ADAMTSL1: variants seen among roughly 807,000 people sequenced by gnomAD.
ADAMTSL1 encodes ADAMTS-like protein 1.
ADAMTSL1 carries 126 observed loss-of-function variants against 201.8 expected under a neutral mutation model. The observed-to-expected ratio is 0.62, with a 90% confidence interval of 0.54 to 0.72. The LOEUF (loss-of-function observed/expected upper bound fraction) is 0.72, where lower values mean the gene tolerates loss of function less well. Ranked by LOEUF, ADAMTSL1 falls within the 30% of genes least tolerant of loss-of-function variation. The probability of loss-of-function intolerance (pLI) is 0.00; values close to 1 mark genes in which losing one functional copy is unlikely to be tolerated. For missense variants in ADAMTSL1, 2,679 were observed against 2,277.8 expected, an observed-to-expected ratio of 1.18 and a Z score of -3.59; for synonymous variants, 1,121 against 903.4, an observed-to-expected ratio of 1.24 and a Z score of -4.32.
chr9:18,504,574 C>A (rs1204833293), intron 1 of ADAMTSL1, among the ~76,000 whole-genome samples: 1 of 152,190 alleles, frequency 6.6e-6, no homozygotes, highest in Admixed American at 6.5e-5. Context: ...CTGTTTCTGG[C>A]TTCCTTTTCC....
At chr9:17,963,202 C>T (rs1030610572) in intron 1 of ADAMTSL1, among the ~76,000 whole-genome samples, 1 of 152,166 alleles carries the variant, frequency 6.6e-6, no homozygotes, top group Non-Finnish European at 1.5e-5. Flanking sequence ...TTCAAACATA[C>T]AGAAGTGTCA....
At chr9:18,432,395 G>C (rs1016006062) in intron 2 of ADAMTSL1, among the ~76,000 whole-genome samples, 2 of 152,152 alleles carry the variant, frequency 1.3e-5, no homozygotes, top group African/African-American at 4.8e-5. Context: ...AGAATCTTAT[G>C]TAGCTTACAT....
At chr9:18,726,622 CT>C (rs1405495412) in intron 15 of ADAMTSL1, among the ~76,000 whole-genome samples, 1 of 151,680 alleles carries the variant, frequency 6.6e-6, no homozygotes, top group Non-Finnish European at 1.5e-5. Flanking sequence ...AAGTGTATGA[CT>C]GTTATTAATT....
At chr9:18,405,357 G>T (rs568109264) in intron 2 of ADAMTSL1, among the ~76,000 whole-genome samples, 1 of 152,284 alleles carries the variant, frequency 6.6e-6, no homozygotes, top group East Asian at 1.9e-4. Context: ...CAGACCATGA[G>T]GTTGGTGAGA....
At chr9:18,171,955 G>T (rs1011802837) in intron 2 of ADAMTSL1, among the ~76,000 whole-genome samples, 4 of 151,930 alleles carry the variant, frequency 2.6e-5, no homozygotes, top group Non-Finnish European at 4.4e-5. Context: ...CCCATTTCTT[G>T]TTTTTTCACG....
intron 1 of ADAMTSL1, among the ~76,000 whole-genome samples, chr9:18,134,105 A>G (rs965410471): frequency 6.6e-5 from 10 of 152,308 alleles, no homozygotes; most frequent in African/African-American, 2.4e-4. Context: ...CCATTAAGCC[A>G]TATCTGTGCA....
At chr9:18,872,116 C>T (rs1388533266) in intron 23 of ADAMTSL1, among the ~76,000 whole-genome samples, 1 of 152,062 alleles carries the variant, frequency 6.6e-6, no homozygotes, top group Non-Finnish European at 1.5e-5. Flanking sequence ...CCCCTTCCTA[C>T]TGTATATCCC....
chr9:18,583,710 C>T (rs969830666), intron 4 of ADAMTSL1, among the ~76,000 whole-genome samples: 2 of 152,164 alleles, frequency 1.3e-5, no homozygotes, highest in African/African-American at 2.4e-5. Flanking sequence ...GCCACCAGGA[C>T]GGAGCTACCC....
intron 15 of ADAMTSL1, among the ~76,000 whole-genome samples, chr9:18,746,126 T>C (rs1250370486): frequency 6.6e-6 from 1 of 152,182 alleles, no homozygotes; most frequent in Non-Finnish European, 1.5e-5. Flanking sequence ...TTGACACCAG[T>C]GGAGGTTTTT....
intron 1 of ADAMTSL1, among the ~76,000 whole-genome samples, chr9:18,032,929 C>G (rs1051220413): frequency 1.1e-4 from 16 of 152,256 alleles, no homozygotes; most frequent in African/African-American, 3.9e-4. Context: ...GCTTCAGTGT[C>G]TGCATCACCT....
intron 2 of ADAMTSL1, among the ~76,000 whole-genome samples, chr9:18,344,167 C>A (rs10963579): frequency 6.6e-6 from 1 of 152,076 alleles, no homozygotes; most frequent in Non-Finnish European, 1.5e-5. Context: ...TTGGTTCACC[C>A]GAATACTGAA....
intron 7 of ADAMTSL1, among the ~76,000 whole-genome samples, chr9:18,653,687 G>T (rs1451704750): frequency 6.6e-6 from 1 of 151,878 alleles, no homozygotes; most frequent in Non-Finnish European, 1.5e-5. Flanking sequence ...CAATATGGAG[G>T]TCTGGAGTTC....
chr9:18,810,306 C>T (rs1259783504), intron 20 of ADAMTSL1, among the ~76,000 whole-genome samples: 2 of 152,186 alleles, frequency 1.3e-5, no homozygotes, highest in East Asian at 3.9e-4. Context: ...GAACATTATT[C>T]AAGTTTCTGC....
At chr9:18,042,632 A>T (rs1225294716) in intron 1 of ADAMTSL1, among the ~76,000 whole-genome samples, 1 of 152,156 alleles carries the variant, frequency 6.6e-6, no homozygotes, top group South Asian at 2.1e-4. Context: ...GAAAGCTCTT[A>T]TAACCCAAAT....
At chr9:18,731,537 G>A (rs1450194534) in intron 15 of ADAMTSL1, among the ~76,000 whole-genome samples, 1 of 152,108 alleles carries the variant, frequency 6.6e-6, no homozygotes, top group Non-Finnish European at 1.5e-5. Context: ...AGACCGAGGT[G>A]GGAGGATCAC....
rs187233711 is a variant in ADAMTSL1 at position 18,649,900 on chromosome 9, G to A, written c.835-7739G>A. Among the ~76,000 whole-genome samples the A allele has an allele frequency of 5.1e-4, 77 of 152,244 alleles. 1 individual carries two copies. The East Asian group carries it at 0.015, about 29-fold the overall frequency. ...TCAGATCTCCAGCTGCGTGCTGGGAGAACCACTGCTCTCTTCAAAGCTGTC... is the reference window on the plus strand; with the variant it reads ...TCAGATCTCCAGCTGCGTGCTGGGAAAACCACTGCTCTCTTCAAAGCTGTC... On this transcript the variant is annotated intron_variant, in intron 7 of 28. Transcript: ENST00000380548.
intron 1 of ADAMTSL1, among the ~76,000 whole-genome samples, chr9:17,996,010 G>A (rs534137614): frequency 2.8e-4 from 43 of 152,062 alleles, no homozygotes; most frequent in Non-Finnish European, 5.0e-4. Flanking sequence ...CTAGCTCAAA[G>A]CAAGTGCTTT....
intron 13 of ADAMTSL1, among the ~76,000 whole-genome samples, chr9:18,690,384 A>T (rs1398824642): frequency 6.6e-6 from 1 of 152,118 alleles, no homozygotes; most frequent in Admixed American, 6.6e-5. Flanking sequence ...ATGTGTTTTT[A>T]TATCCCTCCT....
chr9:18,856,920 A>T (rs1826892327), intron 23 of ADAMTSL1, among the ~76,000 whole-genome samples: 1 of 152,204 alleles, frequency 6.6e-6, no homozygotes, highest in African/African-American at 2.4e-5. Flanking sequence ...TTCAAATGTC[A>T]TGCAACACAT....
Sources: allele counts gnomAD v4.1 joint callset (sites outside exome capture counted in the v4.1 genomes callset), GRCh38; gene constraint gnomAD v4.1.1; transcripts MANE v1.5; gene names NCBI Gene and HGNC (gene_info 2026-07-23, HGNC 2026-07-21).